Variants in LIN54 observed in about 807,000 individuals in gnomAD.
The protein encoded by LIN54 is protein lin-54 homolog.
A neutral mutation model predicts 78.7 loss-of-function variants in LIN54; 9 were observed. That is an observed-to-expected ratio of 0.11 (90% CI 0.07 to 0.20). The LOEUF (loss-of-function observed/expected upper bound fraction) is 0.20. Among genes scored for constraint, LIN54 ranks in the 10% least tolerant of loss-of-function variants. The probability of loss-of-function intolerance (pLI) is 1.00; values close to 1 mark genes in which losing one functional copy is unlikely to be tolerated. For synonymous variants in LIN54, 269 were observed against 318.4 expected (o/e 0.84, Z 1.65); for missense variants, 573 against 889.9 (o/e 0.64, Z 4.53).
chr4:82,980,381 T>C (rs571787870), intron 2 of LIN54, among the ~76,000 whole-genome samples: 3 of 152,238 alleles, frequency 2.0e-5, no homozygotes, highest in Admixed American at 6.5e-5. Flanking sequence ...TGAAAAAATA[T>C]GACCAACATG....
At chr4:82,947,659 A>T (rs1723518052) in intron 4 of LIN54, among the ~76,000 whole-genome samples, 1 of 152,048 alleles carries the variant, frequency 6.6e-6, no homozygotes, top group Non-Finnish European at 1.5e-5. Context: ...GCTAAATGAA[A>T]CATCTTAGGC....
chr4:82,946,171 TTCA>T, intron 5 of LIN54, 84 bp downstream of exon 5: 4 of 1,168,174 alleles, frequency 3.4e-6, no homozygotes, highest in South Asian at 2.6e-5. Flanking sequence ...AATGCCACTC[TTCA>T]TCAGGATTTC....
chr4:82,962,813 G>A (rs1370612688), intron 4 of LIN54, among the ~76,000 whole-genome samples: 2 of 151,232 alleles, frequency 1.3e-5, no homozygotes, highest in African/African-American at 2.4e-5. Context: ...AAAAAACTAG[G>A]GAGAAAAACA....
rs1394111159 is a variant in LIN54, at chr4:82,984,482, T to C, written c.363A>G (p.Ser121=). Residue 121 remains serine, a synonymous_variant, in exon 2 of 13, where the codon TCA becomes TCG. Coordinates refer to ENST00000340417, the MANE Select transcript of LIN54 (RefSeq NM_194282.4). ...TGCCAAGTTTAAGATCAGATGTCTGTGATACTTTGTTTAAAATAATCTGAT... is the reference window on the plus strand; with the variant it reads ...TGCCAAGTTTAAGATCAGATGTCTGCGATACTTTGTTTAAAATAATCTGAT... ...SANQIILNKV[S]QTSDLKLGNQ... 3.7e-6 allele frequency: 6 copies of C among 1,614,224 alleles called. No homozygotes were observed. The highest frequency in any genetic ancestry group is 2.2e-5 in the East Asian group (1 of 44,894).
intron 11 of LIN54, 88 bp downstream of exon 11, chr4:82,935,893 G>A: frequency 7.5e-7 from 1 of 1,325,026 alleles, no homozygotes; most frequent in Non-Finnish European, 1.1e-6. Context: ...ATAGCAAGGT[G>A]ATTTCCCAAT....
chr4:82,990,470 C>G (rs1727578811), intron 1 of LIN54, among the ~76,000 whole-genome samples: 1 of 151,788 alleles, frequency 6.6e-6, no homozygotes, highest in Non-Finnish European at 1.5e-5. Flanking sequence ...GAACCCTGAG[C>G]TTAGGTAACA....
chr4:83,006,945 G>T (rs898858850), intron 1 of LIN54, among the ~76,000 whole-genome samples: 1 of 152,142 alleles, frequency 6.6e-6, no homozygotes, highest in African/African-American at 2.4e-5. Flanking sequence ...TTTGAGACCA[G>T]CCTGGCCAAC....
intron 12 of LIN54, among the ~76,000 whole-genome samples, chr4:82,930,045 A>C (rs1369261157): frequency 6.6e-6 from 1 of 151,832 alleles, no homozygotes; most frequent in East Asian, 2.0e-4. Flanking sequence ...TTACAGGCGC[A>C]CACCACCATG....
chr4:82,993,732 C>T (rs555231118), intron 1 of LIN54, among the ~76,000 whole-genome samples: 2 of 152,198 alleles, frequency 1.3e-5, no homozygotes, highest in African/African-American at 2.4e-5. Flanking sequence ...ACTCTCCTGC[C>T]TCAGCCTCCC....
chr4:83,007,310 A>C (rs1729483547), intron 1 of LIN54, among the ~76,000 whole-genome samples: 1 of 152,204 alleles, frequency 6.6e-6, no homozygotes. Context: ...TATAAAACTG[A>C]ACAAATATAC....
At chr4:82,993,116 G>T (rs1727881478) in intron 1 of LIN54, among the ~76,000 whole-genome samples, 1 of 151,420 alleles carries the variant, frequency 6.6e-6, no homozygotes, top group African/African-American at 2.4e-5. Flanking sequence ...GCCCAGCTTG[G>T]CCTCTCAGCA....
intron 4 of LIN54, among the ~76,000 whole-genome samples, chr4:82,967,547 C>G (rs1725304673): frequency 2.0e-5 from 3 of 152,188 alleles, no homozygotes; most frequent in African/African-American, 7.2e-5. Context: ...TGATGGGACC[C>G]TGCCAAAGCC....
At chr4:82,929,862 A>C (rs1286106742) in intron 12 of LIN54, among the ~76,000 whole-genome samples, 1 of 152,180 alleles carries the variant, frequency 6.6e-6, no homozygotes, top group Non-Finnish European at 1.5e-5. Flanking sequence ...TGTACAAAAA[A>C]GCCTTATTTT....
chr4:82,929,027 A>C (rs539221794), intron 12 of LIN54, among the ~76,000 whole-genome samples: 39 of 152,322 alleles, frequency 2.6e-4, no homozygotes, highest in Middle Eastern at 3.4e-3. Context: ...CCACTAACTC[A>C]ACAACCTGTG....
Position 82,938,473 on chromosome 4 carries a change from C to T in LIN54, c.1472G>A (p.Ser491Asn). 1 of 1,611,288 alleles carries T rather than the reference C, an allele frequency of 6.2e-7. No individual in the cohort carries two copies. Among genetic ancestry groups the T allele is most frequent in the Non-Finnish European group, 8.5e-7 (1 of 1,177,560 alleles). Residue 491 changes from serine (S) to asparagine (N), a missense_variant, in exon 8 of 13, where the codon AGC becomes AAC. Physicochemically the swap from Ser to Asn is conservative, Grantham distance 46. Coordinates refer to ENST00000340417, the MANE Select transcript of LIN54 (RefSeq NM_194282.4). ...LQQSSYVSIA[S>N]NSTFTGTSGI... Reference sequence around the variant, plus strand: ...AGATGTTCCAGTAAAGGTAGAGTTGCTTGCTATTGATACATATGAAGACTG... The same window carrying T: ...AGATGTTCCAGTAAAGGTAGAGTTGTTTGCTATTGATACATATGAAGACTG...
At chr4:82,972,198 G>A (rs376976550) in intron 3 of LIN54, among the ~76,000 whole-genome samples, 22 of 152,050 alleles carry the variant, frequency 1.4e-4, no homozygotes, top group Admixed American at 9.8e-4. Flanking sequence ...GGGACCACAG[G>A]CACGTGCCAC....
chr4:82,947,229 A>ATTTTTTTT (rs1263368630), intron 4 of LIN54, among the ~76,000 whole-genome samples: 8 of 20,642 alleles, frequency 3.9e-4, no homozygotes, highest in African/African-American at 1.0e-3. Context: ...ATATATATAT[A>ATTTTTTTT]TATATATTTT....
chr4:82,948,222 T>C (rs1224913599), intron 4 of LIN54, among the ~76,000 whole-genome samples: 1 of 152,102 alleles, frequency 6.6e-6, no homozygotes, highest in African/African-American at 2.4e-5. Flanking sequence ...ACTAAGTACA[T>C]TAGGAAACAA....
chr4:82,948,966 TA>T (rs1723626663), intron 4 of LIN54, among the ~76,000 whole-genome samples: 1 of 152,216 alleles, frequency 6.6e-6, no homozygotes, highest in African/African-American at 2.4e-5. Context: ...AATAGTGCTA[TA>T]ATAAACATGG....
Sources: gnomAD v4.1 joint callset for allele counts (sites outside exome capture counted in the v4.1 genomes callset) on GRCh38, gnomAD v4.1.1 for gene constraint, MANE v1.5 for transcripts, NCBI Gene and HGNC (gene_info 2026-07-23, HGNC 2026-07-21) for gene names.